Variants in PRELID2 observed in about 807,000 individuals in gnomAD.
The protein encoded by PRELID2 is PRELI domain containing 2, also known as PRELI domain-containing protein 2.
PRELID2 carries 25 observed loss-of-function variants against 28.4 expected under a neutral mutation model. That is an observed-to-expected ratio of 0.88 (90% CI 0.64 to 1.23). The LOEUF is 1.23. Ranked by LOEUF, PRELID2 falls within the 50% of genes most tolerant of loss-of-function variation. The pLI, the probability that PRELID2 is intolerant of heterozygous loss-of-function variation, is 0.00. For missense variants in PRELID2, 201 were observed against 214.4 expected, an observed-to-expected ratio of 0.94 and a Z score of 0.39; for synonymous variants, 76 against 71.6, an observed-to-expected ratio of 1.06 and a Z score of -0.31.
chr5:145,740,190 T>C (rs1488495621), intron 1 of PRELID2, among the ~76,000 whole-genome samples: 1 of 144,224 alleles, frequency 6.9e-6, no homozygotes, highest in Non-Finnish European at 1.5e-5. Flanking sequence ...GCTATATTAA[T>C]ACAGTTAAAG....
intron 1 of PRELID2, among the ~76,000 whole-genome samples, chr5:145,583,029 G>A (rs919082412): frequency 3.9e-5 from 6 of 152,034 alleles, no homozygotes; most frequent in African/African-American, 2.4e-5. Flanking sequence ...GAGCATCGAC[G>A]CAAAAATTCT....
chr5:145,280,803 G>GAA, the PRELID2 span, among the ~76,000 whole-genome samples: 14 of 142,914 alleles, frequency 9.8e-5, no homozygotes, highest in African/African-American at 3.6e-4. Flanking sequence ...ATTGATTCAT[G>GAA]AAAAAAAAAA....
chr5:145,803,051 GA>G (rs1753245095), intron 4 of PRELID2, among the ~76,000 whole-genome samples: 1 of 152,090 alleles, frequency 6.6e-6, no homozygotes, highest in African/African-American at 2.4e-5. Context: ...AAGTGTCTTT[GA>G]GGGGCAAAAA....
the PRELID2 span, among the ~76,000 whole-genome samples, chr5:145,270,823 G>T: frequency 3.2e-4 from 49 of 152,072 alleles, no homozygotes; most frequent in Non-Finnish European, 5.7e-4. Flanking sequence ...TTGTGTGTGA[G>T]TTCCCACTTT....
At chr5:145,291,707 A>G in the PRELID2 span, among the ~76,000 whole-genome samples, 1 of 152,158 alleles carries the variant, frequency 6.6e-6, no homozygotes, top group Non-Finnish European at 1.5e-5. Flanking sequence ...CACCAAACCC[A>G]AGGTTACTTA....
chr5:145,229,757 C>T, the PRELID2 span: 9 of 754,298 alleles, frequency 1.2e-5, no homozygotes, highest in Non-Finnish European at 1.9e-5. Context: ...AAGGCCTGGG[C>T]TTGAAATTTG....
the PRELID2 span, among the ~76,000 whole-genome samples, chr5:145,329,519 G>C: frequency 6.6e-6 from 1 of 152,064 alleles, no homozygotes; most frequent in Non-Finnish European, 1.5e-5. Flanking sequence ...TGTATTCCTA[G>C]GTATTTTATT....
At chr5:145,405,237 C>T in the PRELID2 span, among the ~76,000 whole-genome samples, 2 of 151,892 alleles carry the variant, frequency 1.3e-5, no homozygotes, top group African/African-American at 2.4e-5. Flanking sequence ...AAAATGTAGC[C>T]AAGTAGATAA....
the PRELID2 span, among the ~76,000 whole-genome samples, chr5:145,345,070 A>C: frequency 6.6e-6 from 1 of 152,040 alleles, no homozygotes. Flanking sequence ...TCTGCCTATG[A>C]TGTTACTCCA....
At chr5:145,647,037 T>G (rs1452432005) in intron 1 of PRELID2, among the ~76,000 whole-genome samples, 2 of 152,148 alleles carry the variant, frequency 1.3e-5, no homozygotes, top group African/African-American at 4.8e-5. Flanking sequence ...TTAGCAGAGC[T>G]CGAACGCTGT....
intron 1 of PRELID2, among the ~76,000 whole-genome samples, chr5:145,569,473 G>A (rs558464862): frequency 2.0e-5 from 3 of 152,230 alleles, no homozygotes; most frequent in African/African-American, 7.2e-5. Flanking sequence ...TGAAGATAGA[G>A]GCTTGGCTTT....
chr5:145,427,992 C>T, the PRELID2 span, among the ~76,000 whole-genome samples: 2 of 151,984 alleles, frequency 1.3e-5, no homozygotes, highest in African/African-American at 2.4e-5. Flanking sequence ...GAGTTTTGCT[C>T]GTGTCACCCA....
the PRELID2 span, among the ~76,000 whole-genome samples, chr5:145,333,931 T>C: frequency 3.1e-4 from 47 of 152,228 alleles, no homozygotes; most frequent in East Asian, 7.9e-3. Flanking sequence ...GGGAATCTCC[T>C]GGTCTGTGAG....
At chr5:145,415,836 G>C in the PRELID2 span, among the ~76,000 whole-genome samples, 1 of 151,770 alleles carries the variant, frequency 6.6e-6, no homozygotes, top group Non-Finnish European at 1.5e-5. Context: ...TCTAGTTCTA[G>C]ATCCCTGAGG....
At chr5:145,352,024 G>T in the PRELID2 span, among the ~76,000 whole-genome samples, 2 of 152,292 alleles carry the variant, frequency 1.3e-5, no homozygotes, top group Admixed American at 6.5e-5. Flanking sequence ...CCCGTCTCAG[G>T]TGCTTTCATG....
At chr5:145,790,662 TGATA>T (rs1419983698) in intron 5 of PRELID2, among the ~76,000 whole-genome samples, 4 of 148,360 alleles carry the variant, frequency 2.7e-5, no homozygotes, top group South Asian at 4.2e-4. Context: ...ATATGTGAGG[TGATA>T]GATATTTTAA....
the PRELID2 span, among the ~76,000 whole-genome samples, chr5:145,404,848 G>T: frequency 6.6e-6 from 1 of 152,128 alleles, no homozygotes; most frequent in East Asian, 1.9e-4. Flanking sequence ...GAGGAAGAAA[G>T]ATATCTGCAT....
intron 4 of PRELID2, among the ~76,000 whole-genome samples, chr5:145,809,969 G>A (rs1481103931): frequency 6.6e-6 from 1 of 152,104 alleles, no homozygotes; most frequent in Non-Finnish European, 1.5e-5. Flanking sequence ...CTATTAAGAG[G>A]AAAAGGGTAA....
intron 5 of PRELID2, among the ~76,000 whole-genome samples, chr5:145,780,651 G>A (rs1758728711): frequency 6.6e-6 from 1 of 152,138 alleles, no homozygotes; most frequent in Non-Finnish European, 1.5e-5. Context: ...TTTAGGAGGA[G>A]TATGATAAGT....
Sources: allele counts gnomAD v4.1 joint callset (sites outside exome capture counted in the v4.1 genomes callset), GRCh38; gene constraint gnomAD v4.1.1; transcripts MANE v1.5; gene names NCBI Gene and HGNC (gene_info 2026-07-23, HGNC 2026-07-21).